COL11A2: variants seen among roughly 807,000 people sequenced by gnomAD.
COL11A2 encodes the protein collagen type XI alpha 2 chain, also known as collagen alpha-2(XI) chain.
Under a neutral mutation model 273.4 loss-of-function variants are expected in COL11A2, and 116 were observed. The ratio of observed to expected loss-of-function variants is 0.42; its 90% CI spans 0.36 to 0.49. The LOEUF (loss-of-function observed/expected upper bound fraction) is 0.49, where lower values mean the gene tolerates loss of function less well. Ranked by LOEUF, COL11A2 falls within the 20% of genes least tolerant of loss-of-function variation. The pLI is 0.00. For synonymous variants in COL11A2, 782 were observed against 864.2 expected (o/e 0.90, Z 1.67); for missense variants, 1,866 against 2,309.0 (o/e 0.81, Z 3.93).
In COL11A2 at chr6:33,177,135, A is replaced by G. The variant is rs369548529; in HGVS notation, c.2016+46T>C. On this transcript the variant is annotated intron_variant, in intron 24 of 65. Coordinates refer to ENST00000341947, the MANE Select transcript of COL11A2 (RefSeq NM_080680.3). This position sits in a 1 kb window ranked among gnomAD's most constrained non-coding sequence, Gnocchi z 5.9. ...AGCAGACATTTAGGGTTCTCCCTACATCCCCACTCTAAACCCCCTGTCCTC... is the reference window on the plus strand; with the variant it reads ...AGCAGACATTTAGGGTTCTCCCTACGTCCCCACTCTAAACCCCCTGTCCTC... 2.5e-6 allele frequency: 4 copies of G among 1,612,710 alleles called. No individual in the cohort carries two copies. Among genetic ancestry groups the G allele is most frequent in the Non-Finnish European group, 3.4e-6 (4 of 1,179,818 alleles).
In COL11A2 at chr6:33,176,878, T is replaced by A; in HGVS notation, c.2071-113A>T. Reference sequence around the variant, plus strand: ...GTGACCTAGTGAAGCCAACTGTCCATGGACAAGCACCACCAGTGACCTTTC... The same window carrying A: ...GTGACCTAGTGAAGCCAACTGTCCAAGGACAAGCACCACCAGTGACCTTTC... On this transcript the variant is annotated intron_variant, in intron 25 of 65. Coordinates refer to ENST00000341947, the MANE Select transcript of COL11A2 (RefSeq NM_080680.3). The surrounding 1 kb of genome is among the most constrained non-coding windows in gnomAD (Gnocchi z 4.9). 2 of 1,535,868 alleles carry A rather than the reference T, an allele frequency of 1.3e-6. No individual in the cohort carries two copies. The highest frequency in any genetic ancestry group is 1.8e-6 in the Non-Finnish European group (2 of 1,126,016).
chr6:33,168,406 A>T, intron 54 of COL11A2, 113 bp downstream of exon 54: 2 of 1,162,446 alleles, frequency 1.7e-6, no homozygotes, highest in Non-Finnish European at 2.6e-6. Flanking sequence ...ACACACACCC[A>T]GGGCAATGCA....
At position 33,167,666 on chromosome 6, in the gene COL11A2, G is replaced by A; in HGVS notation, c.4014+133C>T. 6.9e-7 allele frequency: 1 copy of A among 1,456,298 alleles called. No homozygotes were observed. The highest frequency in any genetic ancestry group is 9.5e-7 in the Non-Finnish European group (1 of 1,051,812). The allele number at this position is 1,456,298 out of a possible 1,614,324, so 90.2% of individuals were successfully genotyped here. A position where few individuals can be genotyped will look rare whatever the true frequency, so the allele number is the denominator to read the frequency against. On this transcript the variant is annotated intron_variant, in intron 55 of 65. Coordinates refer to ENST00000341947, the MANE Select transcript of COL11A2 (RefSeq NM_080680.3). The surrounding 1 kb of genome is among the most constrained non-coding windows in gnomAD (Gnocchi z 6.1). The stretch of plus-strand genomic sequence containing the variant: ...CTAGGAGCCCCTAGCGCAGGAACAA[G>A]TACAGGGAACGCCTGTCCCCATAAG...
chr6:33,175,831 G>T, intron 29 of COL11A2, 150 bp from the exon 30 acceptor site: 1 of 1,073,558 alleles, frequency 9.3e-7, no homozygotes, highest in Non-Finnish European at 1.4e-6. Context: ...GGATAGTGTA[G>T]TGATGGGAGG....
chr6:33,173,944 G>A lies in COL11A2; in HGVS notation c.2530-18C>T. On this transcript the variant is annotated intron_variant, in intron 33 of 65. Coordinates refer to ENST00000341947, the MANE Select transcript of COL11A2 (RefSeq NM_080680.3). The surrounding 1 kb of genome is among the most constrained non-coding windows in gnomAD (Gnocchi z 6.3). ...CGTGGACCCTACAGAGGGAAGAGGAGTTGTCAGAGAAACCCAAATGCCCCC... is the reference window on the plus strand; with the variant it reads ...CGTGGACCCTACAGAGGGAAGAGGAATTGTCAGAGAAACCCAAATGCCCCC... The A allele has an allele frequency of 1.2e-6, 2 of 1,614,082 alleles. No homozygotes were observed. The highest frequency in any genetic ancestry group is 1.7e-6 in the Non-Finnish European group (2 of 1,179,988).
rs551748595 is a variant in COL11A2, at chr6:33,177,738, A to C, written c.1873-32T>G. 1 of 1,612,722 alleles carries C rather than the reference A, an allele frequency of 6.2e-7. No homozygotes were observed. The highest frequency in any genetic ancestry group is 1.1e-5 in the South Asian group (1 of 91,070). On this transcript the variant is annotated intron_variant, in intron 21 of 65. Transcript: ENST00000341947. The surrounding 1 kb of genome is among the most constrained non-coding windows in gnomAD (Gnocchi z 5.9). ...CACAAGATGGGTGTGAGCAGCCTGA[A>C]GGTGGCCCGGAGGGACCTGTGGTTT...
rs532912838 is a variant in COL11A2, at chr6:33,172,227, CGG to C, written c.2988+60_2988+61del. 7 of 1,312,022 alleles carry C rather than the reference CGG, an allele frequency of 5.3e-6. No homozygotes were observed. The African/African-American group carries it at 1.2e-4, about 22-fold the overall frequency. The allele number at this position is 1,312,022 out of a possible 1,614,324, so 81.3% of individuals were successfully genotyped here. On this transcript the variant is annotated intron_variant, in intron 40 of 65. Coordinates refer to ENST00000341947, the MANE Select transcript of COL11A2 (RefSeq NM_080680.3). Reference sequence around the variant, plus strand: ...ACATGGAGGGGGTCAGGGACAGGGTCGGGGTGGGGACTCAGGATGCTTGGTGC... The same window carrying C: ...ACATGGAGGGGGTCAGGGACAGGGTCGGTGGGGACTCAGGATGCTTGGTGC...
Position 33,178,814 on chromosome 6 carries a change from G to C in COL11A2, c.1666-82C>G. 8.1e-6 allele frequency: 13 copies of C among 1,606,192 alleles called. No individual in the cohort carries two copies. The South Asian group carries it at 1.1e-4, about 14-fold the overall frequency. The stretch of plus-strand genomic sequence containing the variant: ...CCCTACTGCACCCTGAGCTGGGGGG[G>C]TGCTGATCCTGGGGAAGCCTGGAGA... On this transcript the variant is annotated intron_variant, in intron 17 of 65. Transcript: ENST00000341947. The surrounding 1 kb of genome is among the most constrained non-coding windows in gnomAD (Gnocchi z 4.6).
Position 33,178,768 on chromosome 6 carries a change from A to T in COL11A2, c.1666-36T>A. The T allele has an allele frequency of 6.2e-7, 1 of 1,612,012 alleles. No homozygotes were observed. The highest frequency in any genetic ancestry group is 1.1e-5 in the South Asian group (1 of 91,054). On this transcript the variant is annotated intron_variant, in intron 17 of 65. Transcript: ENST00000341947. The surrounding 1 kb of genome is among the most constrained non-coding windows in gnomAD (Gnocchi z 4.6). ...GAAGGATAGCCAGAGTGAGGACACG[A>T]CCCTGTCCAAGCCCACCCCTCCCTA... is the stretch of plus-strand genomic sequence containing the variant.
rs764045158 is a variant in COL11A2 at position 33,180,320 on chromosome 6, G to C, written c.1297C>G (p.Arg433Gly). The C allele has an allele frequency of 5.6e-6, 9 of 1,612,740 alleles. No homozygotes were observed. In the East Asian group the frequency reaches 1.1e-4, roughly 20 times the overall value. ...GDPGERGPPG[R>G]AGLPGSDGAP... ...CCATCTGATCCAGGGAGCCCTGCTC[G>C]GCCAGGGGGGCCCTGGAGTGGGAAG... The change falls in exon 12 of 66, where the codon CGA becomes GGA. Residue 433 changes from arginine (R) to glycine (G), a missense_variant. Transcript: ENST00000341947.
chr6:33,175,558 A>G lies in COL11A2; in HGVS notation c.2376+16T>C. 2 of 1,609,534 alleles carry G rather than the reference A, an allele frequency of 1.2e-6. No homozygotes were observed. The highest frequency in any genetic ancestry group is 1.7e-6 in the Non-Finnish European group (2 of 1,177,534). ...CACCCCCAGAGGACCCAGGCACAGA[A>G]CCCTCATCCCATCACCTTCTCGCCC... On this transcript the variant is annotated intron_variant, in intron 30 of 65. Coordinates refer to ENST00000341947, the MANE Select transcript of COL11A2 (RefSeq NM_080680.3).
intron 7 of COL11A2, 52 bp from the exon 8 acceptor site, chr6:33,184,376 G>C (rs751229114): frequency 7.8e-7 from 1 of 1,286,724 alleles, no homozygotes; most frequent in South Asian, 1.2e-5. Flanking sequence ...AGGGCTGAGA[G>C]GAGGCTTACC....
At position 33,166,121 on chromosome 6, in the gene COL11A2, C is replaced by T; in HGVS notation, c.4428+50G>A. On this transcript the variant is annotated intron_variant, in intron 61 of 65. Transcript: ENST00000341947. The surrounding 1 kb of genome is among the most constrained non-coding windows in gnomAD (Gnocchi z 4.8). ...TCTATTTGTCCTGGAGAGACATCAT[C>T]AAGTCCAGAGGGGGTGGAGCAAAGG... 2 of 1,606,318 alleles carry T rather than the reference C, an allele frequency of 1.2e-6. No homozygotes were observed. Among genetic ancestry groups the T allele is most frequent in the Non-Finnish European group, 1.7e-6 (2 of 1,176,490 alleles).
At position 33,166,617 on chromosome 6, in the gene COL11A2, G is replaced by A; in HGVS notation, c.4339-51C>T. On this transcript the variant is annotated intron_variant, in intron 59 of 65. Transcript: ENST00000341947. The surrounding 1 kb of genome is among the most constrained non-coding windows in gnomAD (Gnocchi z 4.8). Reference sequence around the variant, plus strand: ...CTGGGTCCTCCTCCCACACCCTCCTGAGCACCTGCTCGCTTACCCACAGCT... The same window carrying A: ...CTGGGTCCTCCTCCCACACCCTCCTAAGCACCTGCTCGCTTACCCACAGCT... 1.9e-6 allele frequency: 3 copies of A among 1,611,958 alleles called. No homozygotes were observed. The highest frequency in any genetic ancestry group is 2.5e-6 in the Non-Finnish European group (3 of 1,178,540).
At chr6:33,180,838 G>T in intron 10 of COL11A2, 108 bp from the exon 11 acceptor site, 1 of 1,553,336 alleles carries the variant, frequency 6.4e-7, no homozygotes, top group Non-Finnish European at 8.9e-7. Flanking sequence ...AATCTGGGAA[G>T]CGTTGATTGG....
chr6:33,185,323 G>A (rs1396022066), intron 6 of COL11A2, among the ~76,000 whole-genome samples: 1 of 152,186 alleles, frequency 6.6e-6, no homozygotes, highest in Non-Finnish European at 1.5e-5. Flanking sequence ...GGCGGGGCCA[G>A]GCAGTGGGGG....
chr6:33,176,400 A>G lies in COL11A2; in HGVS notation c.2169+33T>C. The stretch of plus-strand genomic sequence containing the variant: ...GACCCCATATAGCTCCCCTGACCAC[A>G]GCCCTTTGTCTCCCAGCCTGGTGGT... On this transcript the variant is annotated intron_variant, in intron 27 of 65. Coordinates refer to ENST00000341947, the MANE Select transcript of COL11A2 (RefSeq NM_080680.3). The surrounding 1 kb of genome is among the most constrained non-coding windows in gnomAD (Gnocchi z 4.9). 6.2e-7 allele frequency: 1 copy of G among 1,610,850 alleles called. No homozygotes were observed. The highest frequency in any genetic ancestry group is 8.5e-7 in the Non-Finnish European group (1 of 1,178,932).
In COL11A2 at chr6:33,164,918, G is replaced by T; in HGVS notation, c.4797C>A (p.Phe1599Leu). The T allele has an allele frequency of 6.3e-7, 1 of 1,582,038 alleles. No homozygotes were observed. Among genetic ancestry groups the T allele is most frequent in the Non-Finnish European group, 8.6e-7 (1 of 1,162,726 alleles). The change falls in exon 64 of 66, where the codon TTC becomes TTA. Residue 1599 changes from phenylalanine (F) to leucine (L), a missense_variant. Physicochemically the swap from Phe to Leu is conservative, Grantham distance 22 (BLOSUM62 0). Coordinates refer to ENST00000341947, the MANE Select transcript of COL11A2 (RefSeq NM_080680.3). This position sits in a 1 kb window ranked among gnomAD's most constrained non-coding sequence, Gnocchi z 4.7. Reference sequence around the variant, plus strand: ...CTGCTGTGAAGTTGCAGAAAACTCGGAAGGCATCCCGAGCACAGCCCTGGT... The same window carrying T: ...CTGCTGTGAAGTTGCAGAAAACTCGTAAGGCATCCCGAGCACAGCCCTGGT... The part of the protein sequence containing the change: ...DPNQGCARDA[F>L]RVFCNFTAGG...
chr6:33,167,927 A>G lies in COL11A2; in HGVS notation c.3961-75T>C, dbSNP rs1047445193. 8 of 1,519,282 alleles carry G rather than the reference A, an allele frequency of 5.3e-6. No homozygotes were observed. The highest frequency in any genetic ancestry group is 6.4e-6 in the Non-Finnish European group (7 of 1,101,914). The allele number at this position is 1,519,282 out of a possible 1,614,324, so 94.1% of individuals were successfully genotyped here. ...CTCAACTCTTCCCCCTTCCTGTCCT[A>G]GACACACACATACACATGCACACAC... On this transcript the variant is annotated intron_variant, in intron 54 of 65. Coordinates refer to ENST00000341947, the MANE Select transcript of COL11A2 (RefSeq NM_080680.3). This position sits in a 1 kb window ranked among gnomAD's most constrained non-coding sequence, Gnocchi z 6.1.
Sources: allele counts gnomAD v4.1 joint callset (sites outside exome capture counted in the v4.1 genomes callset), GRCh38; gene constraint gnomAD v4.1.1; non-coding constraint Gnocchi (gnomAD v3.1); transcripts MANE v1.5; gene names NCBI Gene and HGNC (gene_info 2026-07-23, HGNC 2026-07-21).